The following SMOC2 variants were observed in gnomAD, a reference collection of about 807,000 sequenced individuals.
SMOC2 encodes the protein SPARC-related modular calcium-binding protein 2.
SMOC2 carries 39 observed loss-of-function variants against 61.4 expected under a neutral mutation model. The observed-to-expected ratio is 0.64, with a 90% CI of 0.49 to 0.83. The LOEUF is 0.83. SMOC2 is among the 40% of genes least tolerant of loss of function. SMOC2 has a pLI of 0.00. For synonymous variants in SMOC2, 247 were observed against 239.9 expected, an observed-to-expected ratio of 1.03 and a Z score of -0.27; for missense variants, 556 against 592.9, an observed-to-expected ratio of 0.94 and a Z score of 0.65.
chr6:168,664,397 T>C, intron 12 of SMOC2: 2 of 82,586 alleles, frequency 2.4e-5, no homozygotes, highest in Non-Finnish European at 8.9e-5. Context: ...TTTTTTTTTT[T>C]TTTTTTTTTT....
intron 9 of SMOC2, among the ~76,000 whole-genome samples, chr6:168,640,168 G>A (rs542149946): frequency 2.1e-5 from 2 of 94,228 alleles, no homozygotes; most frequent in Non-Finnish European, 4.1e-5. Flanking sequence ...ATCAGCACAC[G>A]GTCTTGGTGT....
chr6:168,493,920 G>A (rs1040866242), intron 1 of SMOC2, among the ~76,000 whole-genome samples: 97 of 152,108 alleles, frequency 6.4e-4, no homozygotes, highest in African/African-American at 2.1e-3. Context: ...AACTTCCAGA[G>A]GAGTTGTTCT....
chr6:168,608,504 A>G (rs1025379241), intron 9 of SMOC2, among the ~76,000 whole-genome samples: 1 of 152,028 alleles, frequency 6.6e-6, no homozygotes, highest in South Asian at 2.1e-4. Flanking sequence ...GCCCCTCACA[A>G]ATCAGATCAG....
intron 4 of SMOC2, among the ~76,000 whole-genome samples, chr6:168,541,152 G>A (rs1233287070): frequency 1.3e-5 from 2 of 152,236 alleles, no homozygotes. Flanking sequence ...CCAGAAATTC[G>A]TATCCCCATT....
At chr6:168,592,340 CG>C (rs1562367210) in intron 7 of SMOC2, among the ~76,000 whole-genome samples, 3 of 95,750 alleles carry the variant, frequency 3.1e-5, no homozygotes, top group East Asian at 3.3e-4. Context: ...AGAGGATCTC[CG>C]AGCTCCTCCT....
chr6:168,628,021 T>A (rs540728249), intron 9 of SMOC2, among the ~76,000 whole-genome samples: 1 of 151,930 alleles, frequency 6.6e-6, no homozygotes, highest in Admixed American at 6.6e-5. Context: ...CTAACGCCAC[T>A]CTTGCCATCC....
chr6:168,443,262 T>G (rs1026770908), intron 1 of SMOC2, among the ~76,000 whole-genome samples: 1 of 152,150 alleles, frequency 6.6e-6, no homozygotes, highest in Non-Finnish European at 1.5e-5. Flanking sequence ...ATCAAGGTAG[T>G]TAGTAATTAG....
chr6:168,480,298 G>GCAGA (rs1782178167), intron 1 of SMOC2, among the ~76,000 whole-genome samples: 1 of 152,194 alleles, frequency 6.6e-6, no homozygotes, highest in Admixed American at 6.5e-5. Context: ...AGACCTGATA[G>GCAGA]CAGATCTACT....
At chr6:168,608,349 C>A in intron 9 of SMOC2, 110 bp downstream of exon 9, 1 of 1,265,538 alleles carries the variant, frequency 7.9e-7, no homozygotes, top group South Asian at 1.4e-5. Flanking sequence ...GGGGGCCTGT[C>A]TGACTCTGAG....
At chr6:168,455,922 C>T (rs1438473374) in intron 1 of SMOC2, among the ~76,000 whole-genome samples, 2 of 152,250 alleles carry the variant, frequency 1.3e-5, no homozygotes, top group African/African-American at 4.8e-5. Flanking sequence ...TCCATGCAAA[C>T]GTCTGGGCGG....
At position 168,457,093 on chromosome 6, in the gene SMOC2, G is replaced by A. The variant is rs148451428; in HGVS notation, c.84+15639G>A. Among the ~76,000 whole-genome samples, 339 of 152,330 alleles carry A rather than the reference G, an allele frequency of 2.2e-3. 1 individual carries two copies. Among genetic ancestry groups the A allele is most frequent in the African/African-American group, 7.9e-3 (327 of 41,578 alleles). On this transcript the variant is annotated intron_variant, in intron 1 of 12. Coordinates refer to ENST00000356284, the MANE Select transcript of SMOC2 (RefSeq NM_001166412.2). ...CCTGGGAGAGATGGCAAAGCCCTGT[G>A]TCCTCACACTGCCTCAGGCACAGCG...
At chr6:168,448,601 A>ATGG (rs1781389795) in intron 1 of SMOC2, among the ~76,000 whole-genome samples, 1 of 127,970 alleles carries the variant, frequency 7.8e-6, no homozygotes, top group African/African-American at 3.0e-5. Flanking sequence ...GGGGAGGACG[A>ATGG]TGATGGGGAG....
In SMOC2 at chr6:168,667,318, AC is replaced by A. The variant is rs935728786; in HGVS notation, c.*884del. ...TTCTCCTGATCCTCCTACCTGGTCC[AC>A]CCCAGGGCTACCGGAAGGTAAAATC... On this transcript the variant is annotated 3_prime_UTR_variant, in exon 13 of 13. Coordinates refer to ENST00000356284, the MANE Select transcript of SMOC2 (RefSeq NM_001166412.2). 6.6e-6 allele frequency: 1 copy of A among 151,982 alleles called. No individual in the cohort carries two copies. Among genetic ancestry groups the A allele is most frequent in the Non-Finnish European group, 1.5e-5 (1 of 68,016 alleles). The allele number at this position is 151,982 out of a possible 1,614,324, so 9.4% of individuals were successfully genotyped here.
chr6:168,659,576 C>T (rs12194146), intron 11 of SMOC2, among the ~76,000 whole-genome samples: 5 of 70,030 alleles, frequency 7.1e-5, no homozygotes, highest in African/African-American at 1.7e-4. Context: ...TAGGTTGAGT[C>T]AGGGTGGAGG....
Position 168,666,745 on chromosome 6 carries a change from C to G in SMOC2, c.*307C>G. 2.7e-6 allele frequency: 1 copy of G among 374,946 alleles called. No homozygotes were observed. The highest frequency in any genetic ancestry group is 4.9e-6 in the Non-Finnish European group (1 of 204,426). The allele number at this position is 374,946 out of a possible 1,614,324, so 23.2% of individuals were successfully genotyped here. On this transcript the variant is annotated 3_prime_UTR_variant, in exon 13 of 13. Transcript: ENST00000356284. ...CCTTCCACATGTTAACAGTAGAGCT[C>G]TATGCACTCCGGCTGCAATCGTATG...
intron 12 of SMOC2, 49 bp from the exon 13 acceptor site, chr6:168,666,372 G>C: frequency 1.2e-6 from 2 of 1,612,354 alleles, no homozygotes; most frequent in Non-Finnish European, 1.7e-6. Flanking sequence ...ACAGATGAGC[G>C]ACACACACCT....
intron 9 of SMOC2, among the ~76,000 whole-genome samples, chr6:168,614,946 T>G (rs78449253): frequency 0.3 from 1,430 of 4,802 alleles, 501 homozygotes; most frequent in Middle Eastern, 1. Context: ...GCCAGCACAG[T>G]ACCTCTTCAC....
At chr6:168,654,326 A>G (rs375585874) in intron 11 of SMOC2, among the ~76,000 whole-genome samples, 23 of 41,872 alleles carry the variant, frequency 5.5e-4, no homozygotes, top group East Asian at 1.6e-3. Flanking sequence ...GCTCCAACCA[A>G]ATGTTAGGAA....
intron 1 of SMOC2, among the ~76,000 whole-genome samples, chr6:168,461,968 C>A (rs1781728991): frequency 1.3e-5 from 2 of 152,230 alleles, no homozygotes; most frequent in Admixed American, 6.5e-5. Context: ...CTGACTGTCA[C>A]TAACACTTTC....
Sources: allele counts gnomAD v4.1 joint callset (sites outside exome capture counted in the v4.1 genomes callset), GRCh38; gene constraint gnomAD v4.1.1; transcripts MANE v1.5; gene names NCBI Gene and HGNC (gene_info 2026-07-23, HGNC 2026-07-21).